UNC79: variants seen among roughly 807,000 people sequenced by gnomAD.
The protein encoded by UNC79 is protein unc-79 homolog.
UNC79 carries 37 observed loss-of-function variants against 283.1 expected under a neutral mutation model. That is an observed-to-expected ratio of 0.13 (90% CI 0.10 to 0.17). The LOEUF is 0.17. UNC79 is among the 10% of genes least tolerant of loss of function. The pLI, the probability that UNC79 is intolerant of heterozygous loss-of-function variation, is 1.00. For missense variants in UNC79, 2,272 were observed against 3,211.1 expected (o/e 0.71, Z 7.07); for synonymous variants, 1,107 against 1,200.2 (o/e 0.92, Z 1.61).
chr14:93,655,723 A>G (rs1460304283), intron 38 of UNC79, among the ~76,000 whole-genome samples: 1 of 152,122 alleles, frequency 6.6e-6, no homozygotes, highest in African/African-American at 2.4e-5. Context: ...TCTCCCGTAG[A>G]TATTAAATAA....
At chr14:93,396,476 T>C (rs1393695089) in intron 1 of UNC79, among the ~76,000 whole-genome samples, 1 of 152,130 alleles carries the variant, frequency 6.6e-6, no homozygotes, top group Non-Finnish European at 1.5e-5. Context: ...CATACTTTCT[T>C]ATTTTTTTAC....
rs1413406316 is a variant in UNC79, at chr14:93,621,565, G to GA, written c.4388-50dup. On this transcript the variant is annotated intron_variant, in intron 29 of 48. Transcript: ENST00000555664. The surrounding 1 kb of genome is among the most constrained non-coding windows in gnomAD (Gnocchi z 4.8). The stretch of plus-strand genomic sequence containing the variant: ...CCAATTGTATGCCCAAGGATGAGGG[G>GA]AAAAAATGGTGAAATCTCCAAGTAA... 2.7e-6 allele frequency: 4 copies of GA among 1,491,390 alleles called. No individual in the cohort carries two copies. Among genetic ancestry groups the GA allele is most frequent in the South Asian group, 3.0e-5 (2 of 66,762 alleles). The allele number at this position is 1,491,390 out of a possible 1,614,324, so 92.4% of individuals were successfully genotyped here.
intron 14 of UNC79, among the ~76,000 whole-genome samples, chr14:93,560,503 G>A (rs1029229070): frequency 1.3e-5 from 2 of 152,146 alleles, no homozygotes; most frequent in East Asian, 1.9e-4. Flanking sequence ...ACGGAAGGTC[G>A]TGATAGAGGT....
In UNC79 at chr14:93,357,775, G is replaced by A. The variant is rs372187570; in HGVS notation, c.-351+24252G>A. ...TATATGGATATATATATATGGATAT[G>A]TGGATATATGGATATATATATATGG... On this transcript the variant is annotated intron_variant, in intron 1 of 49. Coordinates refer to the UNC79 transcript ENST00000256339. Among the ~76,000 whole-genome samples, 128 of 78,688 alleles carry A rather than the reference G, an allele frequency of 1.6e-3. 4 individuals are homozygous for A. The highest frequency in any genetic ancestry group is 9.2e-3 in the East Asian group (23 of 2,504). The allele number at this position is 78,688 out of a possible 152,430, so 51.6% of individuals were successfully genotyped here. A position where few individuals can be genotyped will look rare whatever the true frequency, so the allele number is the denominator to read the frequency against.
At chr14:93,553,046 C>T (rs1015327171) in intron 14 of UNC79, among the ~76,000 whole-genome samples, 4 of 152,210 alleles carry the variant, frequency 2.6e-5, no homozygotes, top group Non-Finnish European at 5.9e-5. Context: ...ATAAAATAAC[C>T]AGTTTCCCCA....
At chr14:93,662,843 G>A in intron 40 of UNC79, 129 bp downstream of exon 43, 1 of 578,566 alleles carries the variant, frequency 1.7e-6, no homozygotes, top group South Asian at 2.9e-5. Context: ...ATTCTACTGA[G>A]GTCTAATAAA....
intron 1 of UNC79, among the ~76,000 whole-genome samples, chr14:93,403,883 T>TA (rs2055161566): frequency 6.6e-6 from 1 of 151,952 alleles, no homozygotes; most frequent in Non-Finnish European, 1.5e-5. Context: ...TTTTTTTTTT[T>TA]TTTTGAGATG....
intron 14 of UNC79, among the ~76,000 whole-genome samples, chr14:93,564,569 G>A (rs7151324): frequency 1 from 152,067 of 152,362 alleles, 75,889 homozygotes; most frequent in Middle Eastern, 1. Flanking sequence ...TCACGGCACC[G>A]AATTTCACAC....
Position 93,474,106 on chromosome 14 carries a change from G to A in UNC79, c.161G>A (p.Gly54Glu). ...CCCAACAGCATTTTGTCCCGCACAGGGAAGAAGGAAAACCAAGATGCCTCC... is the reference window on the plus strand; with the variant it reads ...CCCAACAGCATTTTGTCCCGCACAGAGAAGAAGGAAAACCAAGATGCCTCC... Residue 54 changes from glycine (G) to glutamate (E), a missense_variant, in exon 3 of 49, where the codon GGG becomes GAG. Physicochemically the swap from Gly to Glu is moderately conservative, Grantham distance 98. Coordinates refer to ENST00000555664, the Ensembl canonical transcript of UNC79. The surrounding 1 kb of genome is among the most constrained non-coding windows in gnomAD (Gnocchi z 4.1). The A allele has an allele frequency of 6.5e-7, 1 of 1,535,568 alleles. No homozygotes were observed. Among genetic ancestry groups the A allele is most frequent in the Non-Finnish European group, 8.7e-7 (1 of 1,146,588 alleles).
At chr14:93,618,454 T>G in intron 29 of UNC79, 100 bp downstream of exon 30, 1 of 1,259,060 alleles carries the variant, frequency 7.9e-7, no homozygotes, top group South Asian at 2.3e-5. Flanking sequence ...GATATCATTC[T>G]GGAGTAAAAA....
chr14:93,462,994 G>A (rs1352034952), intron 1 of UNC79, among the ~76,000 whole-genome samples: 1 of 152,100 alleles, frequency 6.6e-6, no homozygotes, highest in Non-Finnish European at 1.5e-5. Context: ...CAGTCCTGTG[G>A]ATGGATGGGA....
chr14:93,695,890 C>CAAAAAAAAGAAAAAAAAA (rs2075068633), intron 47 of UNC79, among the ~76,000 whole-genome samples: 1 of 39,440 alleles, frequency 2.5e-5, no homozygotes, highest in Non-Finnish European at 4.7e-5. Flanking sequence ...GACTTTGTCT[C>CAAAAAAAAGAAAAAAAAA]AAAAAAAAAA....
chr14:93,379,208 A>G (rs953071316), intron 1 of UNC79, among the ~76,000 whole-genome samples: 3 of 152,092 alleles, frequency 2.0e-5, no homozygotes, highest in Admixed American at 1.3e-4. Context: ...TCCAGGTATA[A>G]TCTTTATCAA....
chr14:93,449,083 A>G (rs1486772251), intron 1 of UNC79, among the ~76,000 whole-genome samples: 1 of 152,152 alleles, frequency 6.6e-6, no homozygotes, highest in East Asian at 1.9e-4. Context: ...CTGTGTGGCT[A>G]TAAGCAGTCT....
At chr14:93,659,283 A>G in intron 39 of UNC79, 22 bp downstream of exon 42, 3 of 1,589,126 alleles carry the variant, frequency 1.9e-6, no homozygotes, top group Admixed American at 1.8e-5. Context: ...TCAGAAAAAC[A>G]TAACCAATTG....
At chr14:93,649,626 T>A (rs2070022872) in intron 35 of UNC79, among the ~76,000 whole-genome samples, 1 of 152,236 alleles carries the variant, frequency 6.6e-6, no homozygotes, top group East Asian at 1.9e-4. Flanking sequence ...CTATTTAAGA[T>A]ATAAATGTGA....
intron 14 of UNC79, among the ~76,000 whole-genome samples, chr14:93,548,008 T>TCAAAAA (rs1178102055): frequency 6.6e-6 from 1 of 151,530 alleles, no homozygotes; most frequent in African/African-American, 2.4e-5. Context: ...CAACAAAAAA[T>TCAAAAA]CAAAAACAAA....
intron 5 of UNC79, 35 bp from the exon 6 acceptor site, chr14:93,496,376 C>T (rs1200195133): frequency 2.1e-6 from 3 of 1,407,916 alleles, no homozygotes; most frequent in African/African-American, 1.5e-5. Flanking sequence ...CTGGTATTTA[C>T]ATTTCATGTA....
chr14:93,481,118 A>T (rs1317359177), intron 4 of UNC79, among the ~76,000 whole-genome samples: 1 of 152,168 alleles, frequency 6.6e-6, no homozygotes, highest in Non-Finnish European at 1.5e-5. Flanking sequence ...CTGGACTTTT[A>T]TTTTAGAATG....
Sources: allele counts gnomAD v4.1 joint callset (sites outside exome capture counted in the v4.1 genomes callset), GRCh38; gene constraint gnomAD v4.1.1; non-coding constraint Gnocchi (gnomAD v3.1); transcripts MANE v1.5; gene names NCBI Gene and HGNC (gene_info 2026-07-23, HGNC 2026-07-21).